PKHD1: variants seen among roughly 807,000 people sequenced by gnomAD.
PKHD1 encodes fibrocystin.
A neutral mutation model predicts 412.0 loss-of-function variants in PKHD1; 291 were observed. The observed-to-expected ratio is 0.71, with a 90% CI of 0.64 to 0.78. The LOEUF is 0.78. PKHD1 is among the 30% of genes least tolerant of loss of function. The probability of loss-of-function intolerance (pLI) is 0.00; values close to 1 mark genes in which losing one functional copy is unlikely to be tolerated. For synonymous variants in PKHD1, 1,777 were observed against 1,821.5 expected (o/e 0.98, Z 0.62); for missense variants, 4,825 against 4,950.7 (o/e 0.97, Z 0.76).
chr6:51,674,424 CCTT>C (rs1037880666), intron 60 of PKHD1, among the ~76,000 whole-genome samples: 5 of 152,122 alleles, frequency 3.3e-5, no homozygotes, highest in Non-Finnish European at 5.9e-5. Context: ...CTTCCTTCTT[CCTT>C]CTTCAATTCT....
chr6:52,035,393 G>T (rs1161937129), intron 28 of PKHD1, among the ~76,000 whole-genome samples, 198 bp downstream of exon 28: 2 of 152,146 alleles, frequency 1.3e-5, no homozygotes, highest in Non-Finnish European at 1.5e-5. Flanking sequence ...GAAATTAATT[G>T]ATGTTAATTA....
intron 52 of PKHD1, among the ~76,000 whole-genome samples, chr6:51,797,505 T>C (rs1445621472): frequency 6.6e-6 from 1 of 152,232 alleles, no homozygotes; most frequent in Non-Finnish European, 1.5e-5. Context: ...CATATATATT[T>C]AGGATAGTTA....
intron 52 of PKHD1, among the ~76,000 whole-genome samples, chr6:51,817,747 G>A (rs1201810274): frequency 6.6e-6 from 1 of 152,176 alleles, no homozygotes; most frequent in Non-Finnish European, 1.5e-5. Flanking sequence ...CTCTTCTGGA[G>A]CTTCCCTGGA....
rs1372843206 is a variant in PKHD1, at chr6:51,712,240, G to A, written c.10156+32145C>T. Among the ~76,000 whole-genome samples, 4 of 152,048 alleles carry A rather than the reference G, an allele frequency of 2.6e-5. No individual in the cohort carries two copies. The East Asian group carries it at 5.8e-4, about 22-fold the overall frequency. ...TCAAAAGTTCAGAACACACTGAACC[G>A]TAACCACATAGCTTCTTCCTTTTCT... On this transcript the variant is annotated intron_variant, in intron 60 of 66. Coordinates refer to ENST00000371117, the MANE Select transcript of PKHD1 (RefSeq NM_138694.4).
At chr6:52,041,607 TA>T (rs1804902281) in intron 27 of PKHD1, among the ~76,000 whole-genome samples, 1 of 152,174 alleles carries the variant, frequency 6.6e-6, no homozygotes, top group South Asian at 2.1e-4. Flanking sequence ...CCTTTCCCCA[TA>T]GTCTTAATAA....
intron 60 of PKHD1, among the ~76,000 whole-genome samples, chr6:51,668,387 A>C (rs1224050344): frequency 6.6e-6 from 1 of 152,210 alleles, no homozygotes; most frequent in East Asian, 1.9e-4. Context: ...ATTTTTGTAC[A>C]CTGATTTTGT....
At chr6:51,666,272 G>A (rs566918884) in intron 60 of PKHD1, among the ~76,000 whole-genome samples, 2 of 152,034 alleles carry the variant, frequency 1.3e-5, no homozygotes, top group Non-Finnish European at 2.9e-5. Flanking sequence ...AACCTCGTAA[G>A]TACCACAAAC....
rs779864595 is a variant in PKHD1 at position 51,847,884 on chromosome 6, T to G, written c.7998A>C (p.Leu2666=). The change falls in exon 50 of 67, where the codon CTA becomes CTC. Residue 2666 remains leucine (L), a synonymous_variant. Coordinates refer to ENST00000371117, the MANE Select transcript of PKHD1 (RefSeq NM_138694.4). The part of the protein sequence containing the change: ...TDLPPYPDIL[L]RCGSRVGLSF... The stretch of plus-strand genomic sequence containing the variant: ...ACAGACCCACTCGACTCCCACATCT[T>G]AGGAGGATGTCAGGGTAAGGCGGCA... The G allele has an allele frequency of 6.2e-7, 1 of 1,613,748 alleles. No homozygotes were observed. The highest frequency in any genetic ancestry group is 1.7e-5 in the Admixed American group (1 of 60,000).
intron 23 of PKHD1, 106 bp downstream of exon 23, chr6:52,048,386 C>G (rs1806196442): frequency 9.0e-7 from 1 of 1,114,484 alleles, no homozygotes; most frequent in Non-Finnish European, 1.4e-6. Flanking sequence ...AATAAAATAG[C>G]TTTAATATTA....
chr6:51,769,541 A>G (rs1789697985), intron 55 of PKHD1, among the ~76,000 whole-genome samples: 4 of 151,402 alleles, frequency 2.6e-5, no homozygotes, highest in Admixed American at 2.0e-4. Flanking sequence ...GGTATGATTA[A>G]AGTTATTAGA....
intron 61 of PKHD1, among the ~76,000 whole-genome samples, chr6:51,653,688 C>T (rs944805272): frequency 2.6e-5 from 4 of 152,056 alleles, no homozygotes; most frequent in Non-Finnish European, 5.9e-5. Context: ...AGAATAAACA[C>T]GGTACATCTT....
chr6:51,855,209 T>G (rs1191173895), intron 49 of PKHD1, among the ~76,000 whole-genome samples: 1 of 152,224 alleles, frequency 6.6e-6, no homozygotes, highest in East Asian at 1.9e-4. Context: ...ACCACACTGC[T>G]CTTCCTTCTC....
intron 63 of PKHD1, among the ~76,000 whole-genome samples, chr6:51,646,880 C>T (rs1307111078): frequency 6.6e-6 from 1 of 152,118 alleles, no homozygotes; most frequent in African/African-American, 2.4e-5. Flanking sequence ...TTCTCCAATC[C>T]ACCCTCCATA....
chr6:51,855,917 G>A lies in PKHD1; in HGVS notation c.7887C>T (p.Asn2629=), dbSNP rs146083613. The A allele has an allele frequency of 1.5e-5, 25 of 1,613,870 alleles. No homozygotes were observed. In the African/African-American group the frequency reaches 3.1e-4, roughly 20 times the overall value. ...CCTGCAGAGATCTGTTGATCCAAAG[G>A]TTCTCAGATTGCAATGAGTAGGTCT... ...DQETYSLQSE[N]LWINRSLQYS... is the part of the protein sequence containing the mutation. Residue 2629 remains asparagine, a synonymous_variant, in exon 49 of 67, where the codon AAC becomes AAT. Coordinates refer to ENST00000371117, the MANE Select transcript of PKHD1 (RefSeq NM_138694.4).
At chr6:51,672,114 TCTC>T (rs1775096245) in intron 60 of PKHD1, among the ~76,000 whole-genome samples, 1 of 152,210 alleles carries the variant, frequency 6.6e-6, no homozygotes, top group African/African-American at 2.4e-5. Context: ...CCTTTCACTT[TCTC>T]CTCATGTTTT....
chr6:51,903,994 C>A lies in PKHD1; in HGVS notation c.6857G>T (p.Arg2286Met), dbSNP rs1181158795. Residue 2286 changes from arginine (R) to methionine (M), a missense_variant, in exon 42 of 67, where the codon AGG becomes ATG. By Grantham distance (91) the Arg-to-Met change is moderately conservative. Transcript: ENST00000371117. ...RYISWEAIHG[R>M]KDDWSGHGNI... ...TCAATTTACATATTTACCATCTTTCCTTCCATGAATTGCCTCCCAGGAGAT... is the reference window on the plus strand; with the variant it reads ...TCAATTTACATATTTACCATCTTTCATTCCATGAATTGCCTCCCAGGAGAT... 1 of 1,576,650 alleles carries A rather than the reference C, an allele frequency of 6.3e-7. No homozygotes were observed. Among genetic ancestry groups the A allele is most frequent in the South Asian group, 1.1e-5 (1 of 90,358 alleles).
At chr6:51,775,723 A>G (rs753811179) in intron 54 of PKHD1, 85 bp downstream of exon 54, 32 of 744,622 alleles carry the variant, frequency 4.3e-5, no homozygotes, top group Non-Finnish European at 6.4e-5. Flanking sequence ...CATATGTTCT[A>G]TGAATAGTAT....
intron 62 of PKHD1, 109 bp from the exon 63 acceptor site, chr6:51,648,227 A>T (rs1176191166): frequency 1.9e-5 from 13 of 688,426 alleles, no homozygotes; most frequent in South Asian, 3.3e-5. Context: ...GCATATATTC[A>T]GTAGAAATAA....
chr6:51,790,032 T>C (rs1201669192), intron 53 of PKHD1, among the ~76,000 whole-genome samples: 1 of 152,180 alleles, frequency 6.6e-6, no homozygotes, highest in African/African-American at 2.4e-5. Flanking sequence ...TGACCATATT[T>C]TTTCAGAAAT....
Sources: allele counts gnomAD v4.1 joint callset (sites outside exome capture counted in the v4.1 genomes callset), GRCh38; gene constraint gnomAD v4.1.1; transcripts MANE v1.5; gene names NCBI Gene and HGNC (gene_info 2026-07-23, HGNC 2026-07-21).